The following KCNU1 variants were observed in gnomAD, a reference collection of about 807,000 sequenced individuals.
KCNU1 encodes potassium calcium-activated channel subfamily U member 1, also known as potassium channel subfamily U member 1.
KCNU1 carries 93 observed loss-of-function variants against 126.8 expected under a neutral mutation model. The ratio of observed to expected loss-of-function variants is 0.73; its 90% CI spans 0.62 to 0.87. KCNU1 has a LOEUF of 0.87. Ranked by LOEUF, KCNU1 falls within the 40% of genes least tolerant of loss-of-function variation. The pLI is 0.00. For missense variants in KCNU1, 1,330 were observed against 1,367.1 expected (o/e 0.97, Z 0.43); for synonymous variants, 523 against 494.2 (o/e 1.06, Z -0.77).
At chr8:36,926,482 C>T (rs2117602125) in intron 24 of KCNU1, among the ~76,000 whole-genome samples, 1 of 152,184 alleles carries the variant, frequency 6.6e-6, no homozygotes, top group Middle Eastern at 3.4e-3. Context: ...TTAGAGGCGC[C>T]TGCATAAGAT....
At chr8:36,912,174 G>A (rs564343753) in intron 22 of KCNU1, among the ~76,000 whole-genome samples, 103 of 152,296 alleles carry the variant, frequency 6.8e-4, no homozygotes, top group African/African-American at 2.5e-3. Context: ...GAAGAGGTTA[G>A]CATTTAAGGC....
intron 6 of KCNU1, among the ~76,000 whole-genome samples, chr8:36,807,919 G>A (rs910722482): frequency 1.3e-5 from 2 of 152,098 alleles, no homozygotes; most frequent in African/African-American, 2.4e-5. Flanking sequence ...CAGAAATATA[G>A]CCACCTAAGT....
intron 26 of KCNU1, among the ~76,000 whole-genome samples, chr8:36,933,333 TCATC>T (rs1808758983): frequency 6.6e-6 from 1 of 152,126 alleles, no homozygotes; most frequent in Admixed American, 6.6e-5. Flanking sequence ...AACTTACTCC[TCATC>T]CATGTCTGTA....
chr8:36,878,984 G>T (rs573163152), intron 19 of KCNU1, among the ~76,000 whole-genome samples: 4 of 147,560 alleles, frequency 2.7e-5, no homozygotes, highest in Admixed American at 6.8e-5. Flanking sequence ...CCTCTCAGGT[G>T]AAATTTACTT....
Position 36,808,719 on chromosome 8 carries a change from A to G in KCNU1, c.658A>G (p.Asn220Asp). The G allele has an allele frequency of 6.2e-7, 1 of 1,601,514 alleles. No homozygotes were observed. Among genetic ancestry groups the G allele is most frequent in the Non-Finnish European group, 8.5e-7 (1 of 1,170,416 alleles). Reference protein sequence around the residue: ...LQILRAIKTSNSVKFSKLLSI... With the variant: ...LQILRAIKTSDSVKFSKLLSI... ...AGCTCTTTGTCTCTCTTCCTCTAGT[A>G]ACTCAGTGAAGTTTTCCAAACTGCT... The change falls in exon 7 of 27, where the codon AAC (asparagine) becomes GAC (aspartate). Residue 220 changes from asparagine (N) to aspartate (D), a missense_variant and splice_region_variant. By Grantham distance (23) the Asn-to-Asp change is conservative (BLOSUM62 1). Transcript: ENST00000399881.
chr8:36,849,183 C>T (rs1805255190), intron 18 of KCNU1, among the ~76,000 whole-genome samples: 1 of 152,144 alleles, frequency 6.6e-6, no homozygotes, highest in East Asian at 1.9e-4. Context: ...TTTACCTATA[C>T]TGGTCATTTC....
intron 7 of KCNU1, among the ~76,000 whole-genome samples, chr8:36,810,933 G>A (rs551180751): frequency 4.5e-4 from 68 of 152,140 alleles, no homozygotes; most frequent in Middle Eastern, 3.4e-3. Flanking sequence ...ATATTTATAC[G>A]GTTTGAACCA....
At chr8:36,901,136 C>G (rs1435119485) in intron 19 of KCNU1, among the ~76,000 whole-genome samples, 1 of 151,786 alleles carries the variant, frequency 6.6e-6, no homozygotes, top group African/African-American at 2.4e-5. Flanking sequence ...AGTGGAAGAT[C>G]TCATTTTTTG....
intron 2 of KCNU1, 74 bp downstream of exon 2, chr8:36,787,499 T>C: frequency 7.0e-7 from 1 of 1,436,306 alleles, no homozygotes; most frequent in Non-Finnish European, 9.4e-7. Flanking sequence ...ACAAATCAAT[T>C]GATTCCCTAG....
intron 19 of KCNU1, among the ~76,000 whole-genome samples, chr8:36,899,131 T>G (rs1317874467): frequency 6.6e-6 from 1 of 152,056 alleles, no homozygotes; most frequent in African/African-American, 2.4e-5. Flanking sequence ...AGAAAAGCTG[T>G]CAGTTTTTAC....
intron 26 of KCNU1, among the ~76,000 whole-genome samples, chr8:36,935,285 G>A (rs553555581): frequency 1.3e-5 from 2 of 152,172 alleles, no homozygotes; most frequent in Non-Finnish European, 2.9e-5. Flanking sequence ...TCAGAGGCAG[G>A]GATGAAAGCC....
At chr8:36,881,640 G>A (rs918416865) in intron 19 of KCNU1, among the ~76,000 whole-genome samples, 2 of 151,940 alleles carry the variant, frequency 1.3e-5, no homozygotes, top group African/African-American at 2.4e-5. Context: ...TATTATAGAG[G>A]AACAGAAAAT....
At chr8:36,855,008 T>C (rs1055901456) in intron 18 of KCNU1, among the ~76,000 whole-genome samples, 82 of 152,266 alleles carry the variant, frequency 5.4e-4, no homozygotes, top group African/African-American at 1.5e-3. Flanking sequence ...CAAAGGATTC[T>C]GTGTTTGTGT....
intron 24 of KCNU1, among the ~76,000 whole-genome samples, chr8:36,928,498 A>T (rs934745999): frequency 6.6e-5 from 10 of 152,140 alleles, no homozygotes; most frequent in African/African-American, 2.4e-4. Flanking sequence ...AAGAAGAAAC[A>T]TAAGGAGGAA....
chr8:36,887,960 G>A lies in KCNU1; in HGVS notation c.2010-17748G>A, dbSNP rs77285157. ...ATGTTGAAACAATAGAAGGGACGGG[G>A]GTATCATGAGGCTCATCTAATCTCC... On this transcript the variant is annotated intron_variant, in intron 19 of 26. Coordinates refer to ENST00000399881, the MANE Select transcript of KCNU1 (RefSeq NM_001031836.3). Among the ~76,000 whole-genome samples, 3,074 of 152,166 alleles carry A rather than the reference G, an allele frequency of 0.02. 178 individuals are homozygous for A. In the East Asian group the frequency reaches 0.22, roughly 11 times the overall value.
At chr8:36,841,250 CCT>C (rs1030497023) in intron 16 of KCNU1, among the ~76,000 whole-genome samples, 3 of 151,992 alleles carry the variant, frequency 2.0e-5, no homozygotes, top group African/African-American at 4.8e-5. Flanking sequence ...CCCTGCCCCA[CCT>C]CTCTCTCAGG....
chr8:36,840,704 C>T, intron 15 of KCNU1, 129 bp downstream of exon 15: 1 of 700,078 alleles, frequency 1.4e-6, no homozygotes, highest in Non-Finnish European at 2.5e-6. Flanking sequence ...CCCAGGGTCC[C>T]TGAAACTTAG....
intron 10 of KCNU1, among the ~76,000 whole-genome samples, chr8:36,820,528 G>T (rs1357387671): frequency 1.3e-5 from 2 of 151,412 alleles, no homozygotes; most frequent in African/African-American, 4.9e-5. Context: ...TGTACCTAAT[G>T]AAATTGTGAA....
rs575628695 is a variant in KCNU1 at position 36,785,028 on chromosome 8, T to C, written c.195+423T>C. On this transcript the variant is annotated intron_variant, in intron 1 of 26. Coordinates refer to ENST00000399881, the MANE Select transcript of KCNU1 (RefSeq NM_001031836.3). ...ATAAATTGTTCATGCATAATGCATA[T>C]GTACTGACGTGTACATTGCCTTTTG... is the stretch of plus-strand genomic sequence containing the variant. 4.7e-4 allele frequency among the ~76,000 whole-genome samples: 71 copies of C among 152,356 alleles called. 1 individual carries two copies. In the South Asian group the frequency reaches 0.011, roughly 24 times the overall value.
Sources: gnomAD v4.1 joint callset for allele counts (sites outside exome capture counted in the v4.1 genomes callset) on GRCh38, gnomAD v4.1.1 for gene constraint, MANE v1.5 for transcripts, NCBI Gene and HGNC (gene_info 2026-07-23, HGNC 2026-07-21) for gene names.